The following CTNNA3 variants were observed in gnomAD, a reference collection of about 807,000 sequenced individuals.
CTNNA3 encodes catenin alpha 3, also known as catenin alpha-3.
Under a neutral mutation model 95.7 loss-of-function variants are expected in CTNNA3, and 76 were observed. That is an observed-to-expected ratio of 0.79 (90% CI 0.66 to 0.96). The LOEUF (loss-of-function observed/expected upper bound fraction) is 0.96, where lower values mean the gene tolerates loss of function less well. Among genes scored for constraint, CTNNA3 ranks in the 40% least tolerant of loss-of-function variants. The probability of loss-of-function intolerance (pLI) is 0.00; values close to 1 mark genes in which losing one functional copy is unlikely to be tolerated. For missense variants in CTNNA3, 1,191 were observed against 1,089.8 expected (o/e 1.09, Z -1.31); for synonymous variants, 431 against 374.4 (o/e 1.15, Z -1.74).
intron 7 of CTNNA3, among the ~76,000 whole-genome samples, chr10:67,113,572 G>A (rs1380857335): frequency 6.6e-6 from 1 of 152,136 alleles, no homozygotes; most frequent in Non-Finnish European, 1.5e-5. Context: ...GTCAGCAAGC[G>A]TTAGAAATGA....
chr10:65,993,429 T>C (rs1168809887), intron 15 of CTNNA3, among the ~76,000 whole-genome samples: 1 of 152,242 alleles, frequency 6.6e-6, no homozygotes, highest in Non-Finnish European at 1.5e-5. Flanking sequence ...TGATTTCATA[T>C]TGGGTACATA....
intron 16 of CTNNA3, among the ~76,000 whole-genome samples, chr10:65,971,019 C>T (rs533655002): frequency 6.6e-6 from 1 of 150,620 alleles, no homozygotes; most frequent in Non-Finnish European, 1.5e-5. Flanking sequence ...TAGCTAGTCT[C>T]AGTATCTTCA....
rs1335871823 is a variant in CTNNA3 at position 66,612,558 on chromosome 10, T to C, written c.1374+9134A>G. ...AGGCACTTTTGGTTATTAGAAAGAC[T>C]GGACTGGGGGAGGTGGAAGTTGTGT... On this transcript the variant is annotated intron_variant, in intron 10 of 17. Transcript: ENST00000433211. 2.0e-5 allele frequency among the ~76,000 whole-genome samples: 3 copies of C among 152,222 alleles called. No homozygotes were observed. In the East Asian group the frequency reaches 5.8e-4, roughly 30 times the overall value.
intron 5 of CTNNA3, among the ~76,000 whole-genome samples, chr10:67,392,145 C>A (rs1376081982): frequency 6.6e-6 from 1 of 152,138 alleles, no homozygotes; most frequent in Non-Finnish European, 1.5e-5. Flanking sequence ...AAAATTTTCA[C>A]AACCTACTCA....
chr10:67,212,648 T>G (rs1864184288), intron 6 of CTNNA3, among the ~76,000 whole-genome samples: 1 of 151,926 alleles, frequency 6.6e-6, no homozygotes. Context: ...TTTCTAGAAG[T>G]TTTAAATAAA....
chr10:66,975,353 G>A (rs777722707), intron 7 of CTNNA3, among the ~76,000 whole-genome samples: 1 of 152,188 alleles, frequency 6.6e-6, no homozygotes, highest in Non-Finnish European at 1.5e-5. Flanking sequence ...TAAAGCAGAT[G>A]CCTAAGCATT....
chr10:67,564,705 A>C (rs1173506376), intron 3 of CTNNA3, among the ~76,000 whole-genome samples: 1 of 96,256 alleles, frequency 1.0e-5, no homozygotes, highest in Non-Finnish European at 2.0e-5. Context: ...ATATATATAT[A>C]TATATATATA....
At chr10:66,311,872 G>A (rs938245142) in intron 12 of CTNNA3, among the ~76,000 whole-genome samples, 4 of 152,214 alleles carry the variant, frequency 2.6e-5, no homozygotes, top group Admixed American at 6.5e-5. Flanking sequence ...TGACCCTTAC[G>A]TAGATGATAA....
intron 15 of CTNNA3, among the ~76,000 whole-genome samples, chr10:65,990,406 CTTTTAA>C (rs2078520136): frequency 7.0e-6 from 1 of 143,178 alleles, no homozygotes; most frequent in African/African-American, 2.5e-5. Context: ...TTTTTTTTTC[CTTTTAA>C]TAATAGTCAT....
At chr10:65,981,629 A>C (rs2078321603) in intron 16 of CTNNA3, among the ~76,000 whole-genome samples, 1 of 151,916 alleles carries the variant, frequency 6.6e-6, no homozygotes, top group Non-Finnish European at 1.5e-5. Flanking sequence ...AAAACAGCAT[A>C]GTACTGGTAT....
At chr10:66,552,427 A>G (rs1430187987) in intron 10 of CTNNA3, among the ~76,000 whole-genome samples, 5 of 152,270 alleles carry the variant, frequency 3.3e-5, no homozygotes, top group East Asian at 3.9e-4. Context: ...TGCACACAAC[A>G]GGAAAATCAA....
chr10:66,042,146 C>T (rs534295644), intron 15 of CTNNA3, among the ~76,000 whole-genome samples: 11 of 152,290 alleles, frequency 7.2e-5, no homozygotes, highest in East Asian at 3.9e-4. Flanking sequence ...TCACCTCCTC[C>T]GTCAATTCTT....
At chr10:66,197,557 A>T (rs1564753159) in intron 13 of CTNNA3, among the ~76,000 whole-genome samples, 2 of 152,218 alleles carry the variant, frequency 1.3e-5, no homozygotes, top group Admixed American at 6.5e-5. Context: ...CTGCAAAAAA[A>T]GTATACTCTA....
intron 10 of CTNNA3, among the ~76,000 whole-genome samples, chr10:66,554,534 A>C (rs943240734): frequency 3.3e-5 from 5 of 152,114 alleles, no homozygotes; most frequent in African/African-American, 1.2e-4. Context: ...TTTCTTTTGC[A>C]TTCCAGTCCT....
chr10:66,735,697 CATT>C (rs984209847), intron 9 of CTNNA3, among the ~76,000 whole-genome samples: 56 of 152,266 alleles, frequency 3.7e-4, no homozygotes, highest in African/African-American at 1.3e-3. Flanking sequence ...TTATCTCCAT[CATT>C]GTCTTTCCTC....
chr10:66,829,604 C>T (rs1589302499), intron 7 of CTNNA3, among the ~76,000 whole-genome samples: 1 of 114,066 alleles, frequency 8.8e-6, no homozygotes, highest in Non-Finnish European at 1.8e-5. Flanking sequence ...TGGAGTGAGA[C>T]TCTGTCTCAA....
At chr10:66,318,998 G>C (rs1441134069) in intron 12 of CTNNA3, among the ~76,000 whole-genome samples, 1 of 151,882 alleles carries the variant, frequency 6.6e-6, no homozygotes, top group African/African-American at 2.4e-5. Context: ...TTACTCCTGA[G>C]AGAAAGAAAG....
chr10:66,338,323 T>C (rs1554938297), intron 12 of CTNNA3, among the ~76,000 whole-genome samples: 2 of 151,992 alleles, frequency 1.3e-5, no homozygotes, highest in Non-Finnish European at 2.9e-5. Context: ...CAAATAGACA[T>C]AAGAGTTCTT....
intron 17 of CTNNA3, among the ~76,000 whole-genome samples, chr10:65,960,452 G>A (rs1451373462): frequency 6.6e-6 from 1 of 151,988 alleles, no homozygotes; most frequent in East Asian, 1.9e-4. Flanking sequence ...ATGAACCCAG[G>A]AGGCGGAGCT....
Sources: gnomAD v4.1 joint callset for allele counts (sites outside exome capture counted in the v4.1 genomes callset) on GRCh38, gnomAD v4.1.1 for gene constraint, MANE v1.5 for transcripts, NCBI Gene and HGNC (gene_info 2026-07-23, HGNC 2026-07-21) for gene names.